ESR1: variants seen among roughly 807,000 people sequenced by gnomAD.
The protein encoded by ESR1 is estrogen receptor 1.
Under a neutral mutation model 52.7 loss-of-function variants are expected in ESR1, and 12 were observed. The ratio of observed to expected loss-of-function variants is 0.23; its 90% CI spans 0.15 to 0.37. The LOEUF is 0.37. Ranked by LOEUF, ESR1 falls within the 10% of genes least tolerant of loss-of-function variation. The pLI, the probability that ESR1 is intolerant of heterozygous loss-of-function variation, is 1.00. For synonymous variants in ESR1, 305 were observed against 316.8 expected, an observed-to-expected ratio of 0.96 and a Z score of 0.39; for missense variants, 584 against 779.7, an observed-to-expected ratio of 0.75 and a Z score of 2.99.
chr6:151,686,689 A>AAACCAACC (rs35551206), upstream of ESR1, among the ~76,000 whole-genome samples: 3,320 of 126,640 alleles, frequency 0.026, 59 homozygotes, highest in African/African-American at 0.032. Context: ...CTCCATCTCA[A>AAACCAACC]AACCAACCAA....
chr6:151,876,975 A>C (rs1010059323), intron 2 of ESR1, among the ~76,000 whole-genome samples: 1 of 147,068 alleles, frequency 6.8e-6, no homozygotes, highest in Non-Finnish European at 1.5e-5. Context: ...TTAAAAAAAA[A>C]CACACACACA....
intron 2 of ESR1, among the ~76,000 whole-genome samples, chr6:151,799,398 A>G (rs141185130): frequency 1.6e-3 from 240 of 152,340 alleles, no homozygotes; most frequent in African/African-American, 5.5e-3. Flanking sequence ...CTGCTCCCCA[A>G]TTGTCCTCCA....
chr6:151,992,160 A>G (rs1362681837), intron 4 of ESR1, among the ~76,000 whole-genome samples: 2 of 152,188 alleles, frequency 1.3e-5, no homozygotes, highest in Admixed American at 6.5e-5. Flanking sequence ...TTGTGATAAT[A>G]TATAAGTAAC....
At chr6:151,915,268 G>A (rs144713596) in intron 3 of ESR1, among the ~76,000 whole-genome samples, 106 of 152,072 alleles carry the variant, frequency 7.0e-4, no homozygotes, top group Admixed American at 1.1e-3. Context: ...CTGCTGTTGG[G>A]AAAGCCCTTT....
intron 3 of ESR1, among the ~76,000 whole-genome samples, chr6:151,934,929 C>G (rs1562565957): frequency 6.6e-6 from 1 of 152,182 alleles, no homozygotes; most frequent in African/African-American, 2.4e-5. Context: ...TATGTAAACA[C>G]AGAACACATT....
intron 3 of ESR1, among the ~76,000 whole-genome samples, chr6:151,919,746 T>C (rs1171317785): frequency 6.6e-6 from 1 of 152,180 alleles, no homozygotes; most frequent in Non-Finnish European, 1.5e-5. Context: ...ATTTGGTTGA[T>C]TGATTATTAT....
chr6:151,786,964 C>T (rs986821207), intron 2 of ESR1, among the ~76,000 whole-genome samples: 4 of 152,158 alleles, frequency 2.6e-5, no homozygotes, highest in Admixed American at 2.0e-4. Flanking sequence ...TGTGCACCAC[C>T]ACACCTGGCT....
At chr6:152,040,809 T>A (rs775663226) in intron 5 of ESR1, among the ~76,000 whole-genome samples, 24 of 152,162 alleles carry the variant, frequency 1.6e-4, no homozygotes, top group Non-Finnish European at 2.6e-4. Context: ...GAACTCCCCA[T>A]GAGGCCATCA....
At chr6:151,847,456 A>G (rs999053232) in intron 2 of ESR1, among the ~76,000 whole-genome samples, 2 of 150,238 alleles carry the variant, frequency 1.3e-5, no homozygotes, top group Non-Finnish European at 3.0e-5. Flanking sequence ...ATGATATCTC[A>G]TAGTGGTTTT....
chr6:151,881,317 C>T (rs1792873434), intron 3 of ESR1, among the ~76,000 whole-genome samples: 1 of 152,150 alleles, frequency 6.6e-6, no homozygotes, highest in South Asian at 2.1e-4. Context: ...ATGGTGCTGG[C>T]ATAGTTGATT....
chr6:151,971,854 A>T (rs1458172377), intron 4 of ESR1, among the ~76,000 whole-genome samples: 1 of 152,206 alleles, frequency 6.6e-6, no homozygotes, highest in Non-Finnish European at 1.5e-5. Context: ...AATAAAAAAG[A>T]TAAATGAAAC....
At chr6:151,760,721 T>A (rs1784601056) in intron 2 of ESR1, among the ~76,000 whole-genome samples, 1 of 152,148 alleles carries the variant, frequency 6.6e-6, no homozygotes, top group African/African-American at 2.4e-5. Flanking sequence ...TCGCAACCCA[T>A]GACAGTAAAC....
rs886762426 is a variant in ESR1 at position 151,944,278 on chromosome 6, C to A, written c.866C>A (p.Ala289Asp). ...EVGSAGDMRA[A>D]NLWPSPLMIK... ...GGGTCTGCTGGAGACATGAGAGCTG[C>A]CAACCTTTGGCCAAGCCCGCTCATG... Residue 289 changes from alanine (A) to aspartate (D), a missense_variant, in exon 4 of 8, where the codon GCC becomes GAC. Physicochemically the swap from Ala to Asp is moderately radical, Grantham distance 126. This residue lies in a region of ESR1 where 88 missense variants were observed against 88.3 expected (regional missense o/e 1.00). Coordinates refer to ENST00000206249, the MANE Select transcript of ESR1 (RefSeq NM_000125.4). The A allele has an allele frequency of 9.3e-6, 15 of 1,614,014 alleles. No homozygotes were observed. Among genetic ancestry groups the A allele is most frequent in the Non-Finnish European group, 1.3e-5 (15 of 1,180,028 alleles).
chr6:151,986,309 G>C lies in ESR1; in HGVS notation c.1097-25347G>C, dbSNP rs564855076. On this transcript the variant is annotated intron_variant, in intron 4 of 7. Transcript: ENST00000206249. ...AAATTAGTGCAAAAATTTGTGATGA[G>C]CAAAATGTTAGATAAAGGCATTGTT... 1.1e-4 allele frequency among the ~76,000 whole-genome samples: 17 copies of C among 152,164 alleles called. No homozygotes were observed. The East Asian group carries it at 3.3e-3, about 29-fold the overall frequency.
At chr6:151,945,224 T>TA (rs1167245382) in intron 4 of ESR1, among the ~76,000 whole-genome samples, 1 of 152,014 alleles carries the variant, frequency 6.6e-6, no homozygotes, top group Non-Finnish European at 1.5e-5. Context: ...GACCGTGTCA[T>TA]AAAAAATAAA....
At chr6:151,947,933 C>T (rs1009499669) in intron 4 of ESR1, among the ~76,000 whole-genome samples, 1 of 152,052 alleles carries the variant, frequency 6.6e-6, no homozygotes, top group Non-Finnish European at 1.5e-5. Flanking sequence ...GACTTTTCTC[C>T]TTATTGTTTG....
At chr6:151,687,581 T>A (rs1319534347), upstream of ESR1, among the ~76,000 whole-genome samples, 1 of 152,220 alleles carries the variant, frequency 6.6e-6, no homozygotes, top group Non-Finnish European at 1.5e-5. Flanking sequence ...CCTGATTTTT[T>A]ATTTTAGCCT....
chr6:151,754,252 C>T (rs1784114128), intron 2 of ESR1, among the ~76,000 whole-genome samples: 3 of 151,564 alleles, frequency 2.0e-5, no homozygotes, highest in East Asian at 1.9e-4. Context: ...GTTAAACCTC[C>T]TGTTGTTAGC....
At chr6:152,013,450 TA>T (rs1314353736) in intron 5 of ESR1, among the ~76,000 whole-genome samples, 1 of 152,210 alleles carries the variant, frequency 6.6e-6, no homozygotes, top group Non-Finnish European at 1.5e-5. Flanking sequence ...TCTTCTTTTT[TA>T]AAATTTAATT....
Sources: gnomAD v4.1 joint callset for allele counts (sites outside exome capture counted in the v4.1 genomes callset) on GRCh38, gnomAD v4.1.1 for gene constraint, gnomAD v4.1.1 regional missense constraint, MANE v1.5 for transcripts, NCBI Gene and HGNC (gene_info 2026-07-23, HGNC 2026-07-21) for gene names.